Variants in ASAH2 observed in about 807,000 individuals in gnomAD.
ASAH2 encodes neutral ceramidase.
A neutral mutation model predicts 82.9 loss-of-function variants in ASAH2; 58 were observed. That is an observed-to-expected ratio of 0.70 (90% CI 0.57 to 0.87). The LOEUF is 0.87. ASAH2 is among the 40% of genes least tolerant of loss of function. The pLI is 0.00. For missense variants in ASAH2, 779 were observed against 834.0 expected (o/e 0.93, Z 0.81); for synonymous variants, 276 against 289.7 (o/e 0.95, Z 0.48).
chr10:50,219,998 C>A (rs1037018703), intron 7 of ASAH2, among the ~76,000 whole-genome samples: 2 of 152,174 alleles, frequency 1.3e-5, no homozygotes, highest in South Asian at 2.1e-4. Flanking sequence ...TATTTATCAA[C>A]TTTAAAATTC....
chr10:50,244,957 C>T (rs954452224), intron 3 of ASAH2, among the ~76,000 whole-genome samples: 1 of 151,724 alleles, frequency 6.6e-6, no homozygotes, highest in Non-Finnish European at 1.5e-5. Context: ...TGCCTGCTCA[C>T]CCCCTGTAGT....
chr10:50,206,833 C>T (rs2133203704), intron 12 of ASAH2, among the ~76,000 whole-genome samples: 1 of 151,962 alleles, frequency 6.6e-6, no homozygotes, highest in African/African-American at 2.4e-5. Context: ...AAAACTTGAA[C>T]TAGACCTACC....
intron 18 of ASAH2, among the ~76,000 whole-genome samples, chr10:50,195,532 A>G (rs1378769239): frequency 6.6e-6 from 1 of 150,938 alleles, no homozygotes; most frequent in African/African-American, 2.4e-5. Context: ...TATACACAAT[A>G]CCATTTCTGG....
At position 50,233,248 on chromosome 10, in the gene ASAH2, T is replaced by C. The variant is rs1846062008; in HGVS notation, c.829A>G (p.Thr277Ala). 3 of 1,610,390 alleles carry C rather than the reference T, an allele frequency of 1.9e-6. No individual in the cohort carries two copies. Among genetic ancestry groups the C allele is most frequent in the Admixed American group, 3.3e-5 (2 of 59,872 alleles). Residue 277 changes from threonine (T) to alanine (A), a missense_variant, in exon 7 of 21, where the codon ACA becomes GCA. This residue lies in a region of ASAH2 where 759 missense variants were observed against 755.2 expected (regional missense o/e 1.00). Coordinates refer to ENST00000682911, the MANE Select transcript of ASAH2 (RefSeq NM_019893.4). ...QSERARYSSN[T>A]DKEMIVLKMV... ...TTCAAAACTATCATTTCCTTGTCTG[T>C]ATTTGAAGAATACCTAGTCAGTAAA...
chr10:50,203,581 T>TGG (rs1224226418), intron 15 of ASAH2, 59 bp downstream of exon 15: 8 of 1,345,054 alleles, frequency 5.9e-6, no homozygotes, highest in Non-Finnish European at 8.6e-6. Context: ...AGGGATAGGA[T>TGG]ATACTTTCCT....
rs999019066 is a variant in ASAH2 at position 50,231,446 on chromosome 10, C to G, written c.893+1738G>C. ...AACTCAGGGCTACCTCCTCCAAACT[C>G]CCACAGCATTATTTATGCCCATGGG... On this transcript the variant is annotated intron_variant, in intron 7 of 20. Transcript: ENST00000682911. Among the ~76,000 whole-genome samples the G allele has an allele frequency of 1.3e-4, 20 of 152,272 alleles. No homozygotes were observed. The South Asian group carries it at 4.1e-3, about 32-fold the overall frequency.
intron 4 of ASAH2, among the ~76,000 whole-genome samples, chr10:50,236,700 T>C (rs1215234576): frequency 1.3e-5 from 2 of 152,162 alleles, no homozygotes; most frequent in Non-Finnish European, 2.9e-5. Flanking sequence ...AAAATCTTTA[T>C]TACAATTTCA....
intron 15 of ASAH2, among the ~76,000 whole-genome samples, chr10:50,203,204 G>C (rs1285608560): frequency 6.6e-6 from 1 of 151,938 alleles, no homozygotes. Context: ...AACCAGAATA[G>C]TAATTTCCAG....
intron 8 of ASAH2, 67 bp from the exon 9 acceptor site, chr10:50,214,935 T>C: frequency 1.3e-6 from 2 of 1,584,198 alleles, no homozygotes; most frequent in African/African-American, 1.4e-5. Context: ...CCATTAGAAA[T>C]ACAAACATTA....
intron 7 of ASAH2, among the ~76,000 whole-genome samples, chr10:50,225,861 C>T (rs904198572): frequency 6.6e-6 from 1 of 152,026 alleles, no homozygotes; most frequent in East Asian, 1.9e-4. Flanking sequence ...GAGGCCGAGG[C>T]GGGCAGATCA....
intron 6 of ASAH2, among the ~76,000 whole-genome samples, chr10:50,234,034 T>A (rs1047113708): frequency 6.6e-6 from 1 of 152,116 alleles, no homozygotes; most frequent in Non-Finnish European, 1.5e-5. Flanking sequence ...TAAATATGCA[T>A]TGAGCACATT....
At chr10:50,202,447 G>A (rs1159407340) in intron 16 of ASAH2, among the ~76,000 whole-genome samples, 1 of 151,994 alleles carries the variant, frequency 6.6e-6, no homozygotes, top group Non-Finnish European at 1.5e-5. Flanking sequence ...CATTTGCAAA[G>A]TCTTAACCAG....
At chr10:50,203,581 T>TCCTATGGTGACGAGGG in intron 15 of ASAH2, 59 bp downstream of exon 15, 1 of 1,345,054 alleles carries the variant, frequency 7.4e-7, no homozygotes, top group African/African-American at 1.4e-5. Context: ...AGGGATAGGA[T>TCCTATGGTGACGAGGG]ATACTTTCCT....
intron 7 of ASAH2, among the ~76,000 whole-genome samples, chr10:50,222,311 C>A (rs1226486637): frequency 6.6e-6 from 1 of 152,224 alleles, no homozygotes; most frequent in Non-Finnish European, 1.5e-5. Flanking sequence ...AAGTGTCTCA[C>A]TCTGTTGCCC....
chr10:50,231,187 G>A (rs1011847850), intron 7 of ASAH2, among the ~76,000 whole-genome samples: 2 of 152,092 alleles, frequency 1.3e-5, no homozygotes, highest in African/African-American at 4.8e-5. Flanking sequence ...GTAACTAGCA[G>A]AGATGTATGC....
At chr10:50,201,920 A>T (rs1845160203) in intron 16 of ASAH2, among the ~76,000 whole-genome samples, 1 of 152,152 alleles carries the variant, frequency 6.6e-6, no homozygotes, top group African/African-American at 2.4e-5. Context: ...ACTGTATGTG[A>T]TATGAAAATA....
rs1420914518 is a variant in ASAH2 at position 50,202,884 on chromosome 10, A to G, written c.1706T>C (p.Ile569Thr). 5 of 1,612,278 alleles carry G rather than the reference A, an allele frequency of 3.1e-6. No homozygotes were observed. The highest frequency in any genetic ancestry group is 4.2e-6 in the Non-Finnish European group (5 of 1,178,682). ...SHGMQNMTVV[I>T]SGLCNVYTHY... ...TGTATAGACGTTGCATAGACCTGAA[A>G]TAACAACAGTCATGTTCTGCATCCC... Residue 569 changes from isoleucine (I) to threonine (T), a missense_variant, in exon 16 of 21, where the codon ATT becomes ACT. By Grantham distance (89) the Ile-to-Thr change is moderately conservative. Around this residue, in one of 3 missense-constraint regions of ASAH2, gnomAD observed 759 missense variants for 755.2 expected, o/e 1.00. Coordinates refer to ENST00000682911, the MANE Select transcript of ASAH2 (RefSeq NM_019893.4).
intron 7 of ASAH2, among the ~76,000 whole-genome samples, chr10:50,222,342 A>C (rs1845772638): frequency 6.6e-6 from 1 of 152,174 alleles, no homozygotes; most frequent in Non-Finnish European, 1.5e-5. Context: ...GCAGTGGTGC[A>C]ATCATGGCTC....
At chr10:50,241,364 C>T (rs886937064) in intron 4 of ASAH2, among the ~76,000 whole-genome samples, 1 of 152,128 alleles carries the variant, frequency 6.6e-6, no homozygotes, top group Non-Finnish European at 1.5e-5. Context: ...TTATAGCTAA[C>T]TGTATATTTC....
Sources: gnomAD v4.1 joint callset for allele counts (sites outside exome capture counted in the v4.1 genomes callset) on GRCh38, gnomAD v4.1.1 for gene constraint, gnomAD v4.1.1 regional missense constraint, MANE v1.5 for transcripts, NCBI Gene and HGNC (gene_info 2026-07-23, HGNC 2026-07-21) for gene names.